The following LRIG3 variants were observed in gnomAD, a reference collection of about 807,000 sequenced individuals.
LRIG3 encodes leucine-rich repeats and immunoglobulin-like domains protein 3.
Under a neutral mutation model 114.5 loss-of-function variants are expected in LRIG3, and 76 were observed. That is an observed-to-expected ratio of 0.66 (90% CI 0.55 to 0.80). The LOEUF (loss-of-function observed/expected upper bound fraction) is 0.80, where lower values mean the gene tolerates loss of function less well. LRIG3 is among the 30% of genes least tolerant of loss of function. The probability of loss-of-function intolerance (pLI) is 0.00; values close to 1 mark genes in which losing one functional copy is unlikely to be tolerated. For synonymous variants in LRIG3, 512 were observed against 519.8 expected (o/e 0.98, Z 0.20); for missense variants, 1,239 against 1,382.8 (o/e 0.90, Z 1.65).
At chr12:58,887,321 A>G (rs1247386989) in intron 8 of LRIG3, among the ~76,000 whole-genome samples, 1 of 152,166 alleles carries the variant, frequency 6.6e-6, no homozygotes, top group Non-Finnish European at 1.5e-5. Context: ...CCATTGCACA[A>G]CCTTAAATTA....
Position 58,874,589 on chromosome 12 carries a change from CTTAG to C in LRIG3, c.2696-20_2696-17del. On this transcript the variant is annotated splice_polypyrimidine_tract_variant and intron_variant, in intron 16 of 18. Transcript: ENST00000320743. ...TGGCAGGTCCCTTTGAAACAAAAAT[CTTAG>C]TCAATGATCCAATTATTCAAGTGCC... The C allele has an allele frequency of 6.2e-7, 1 of 1,613,070 alleles. No homozygotes were observed. The highest frequency in any genetic ancestry group is 8.5e-7 in the Non-Finnish European group (1 of 1,179,618).
intron 4 of LRIG3, among the ~76,000 whole-genome samples, chr12:58,890,344 ATTTT>A (rs1213395039): frequency 1.3e-5 from 2 of 152,186 alleles, no homozygotes; most frequent in African/African-American, 4.8e-5. Context: ...CGGATGCAAA[ATTTT>A]TTTATAAATA....
intron 5 of LRIG3, among the ~76,000 whole-genome samples, chr12:58,889,540 T>C (rs1035673336): frequency 5.9e-5 from 9 of 152,066 alleles, no homozygotes; most frequent in Non-Finnish European, 1.2e-4. Flanking sequence ...TTTTAAAAGC[T>C]CCCCAAGTGT....
intron 12 of LRIG3, 139 bp from the exon 13 acceptor site, chr12:58,881,040 G>A (rs752043190): frequency 2.2e-4 from 160 of 731,534 alleles, no homozygotes; most frequent in Non-Finnish European, 3.3e-4. Context: ...TGGACTAGCC[G>A]TCCCCATGTT....
chr12:58,914,162 A>G (rs1470274208), intron 2 of LRIG3, 103 bp downstream of exon 2: 1 of 1,506,562 alleles, frequency 6.6e-7, no homozygotes, highest in Non-Finnish European at 9.1e-7. Context: ...CCAAGTTAAA[A>G]GTTTTGAATA....
At position 58,888,979 on chromosome 12, in the gene LRIG3, A is replaced by C. The variant is rs1377665542; in HGVS notation, c.660-17T>G. 1 of 1,608,894 alleles carries C rather than the reference A, an allele frequency of 6.2e-7. No homozygotes were observed. The highest frequency in any genetic ancestry group is 1.3e-5 in the African/African-American group (1 of 74,736). ...TTCAATTCGCTGCATTGAGTATTAC[A>C]AGAGTTAGCTTATATGACAATTAAA... On this transcript the variant is annotated splice_polypyrimidine_tract_variant and intron_variant, in intron 5 of 18. Transcript: ENST00000320743.
chr12:58,914,398 G>C (rs1316505987), intron 1 of LRIG3, 62 bp from the exon 2 acceptor site: 1 of 1,263,442 alleles, frequency 7.9e-7, no homozygotes, highest in Non-Finnish European at 1.1e-6. Context: ...GTGCTAACTG[G>C]GCTTATGAAG....
At position 58,890,544 on chromosome 12, in the gene LRIG3, G is replaced by A. The variant is rs1262978902; in HGVS notation, c.515+121C>T. 8.2e-5 allele frequency: 77 copies of A among 943,506 alleles called. 1 individual carries two copies. Among genetic ancestry groups the A allele is most frequent in the Non-Finnish European group, 1.1e-4 (74 of 675,464 alleles). 58.4% of individuals were successfully genotyped at this position (943,506 alleles called of 1,614,324 possible). ...CATTCGAGCTTACAGCAAATTTCAA[G>A]TCAATAAATTATACTTTCAATCCAT... On this transcript the variant is annotated intron_variant, in intron 4 of 18. Transcript: ENST00000320743.
intron 15 of LRIG3, 26 bp from the exon 16 acceptor site, chr12:58,876,629 T>G (rs143867579): frequency 1.4e-4 from 222 of 1,612,414 alleles, no homozygotes; most frequent in Non-Finnish European, 1.8e-4. Flanking sequence ...AGCATTTTAT[T>G]AACCAAGGAT....
chr12:58,899,790 C>T (rs1871777521), intron 3 of LRIG3, among the ~76,000 whole-genome samples: 1 of 152,074 alleles, frequency 6.6e-6, no homozygotes, highest in African/African-American at 2.4e-5. Context: ...GTGGTATGGG[C>T]TTGTTGAATG....
At chr12:58,892,395 A>G (rs1050289739) in intron 3 of LRIG3, among the ~76,000 whole-genome samples, 16 of 152,250 alleles carry the variant, frequency 1.1e-4, no homozygotes, top group Non-Finnish European at 2.4e-4. Flanking sequence ...TTCGATTAAA[A>G]AGAAAACTTA....
rs1274767424 is a variant in LRIG3, at chr12:58,920,038, C to T, written c.198G>A (p.Ala66=). The change falls in exon 1 of 19, where the codon GCG becomes GCA. Residue 66 remains alanine (A), a synonymous_variant. Coordinates refer to ENST00000320743, the MANE Select transcript of LRIG3 (RefSeq NM_153377.5). ...DLLDCSRKRL[A]RLPEPLPSWV... ...AGGACGGGAGTGGCTCGGGAAGACG[C>T]GCTAGCCGCTTACGACTGCAGTCCA... 1 of 1,551,546 alleles carries T rather than the reference C, an allele frequency of 6.4e-7. No individual in the cohort carries two copies. Among genetic ancestry groups the T allele is most frequent in the South Asian group, 1.2e-5 (1 of 84,172 alleles).
In LRIG3 at chr12:58,877,558, G is replaced by C. The variant is rs749151227; in HGVS notation, c.2378C>G (p.Pro793Arg). The change falls in exon 15 of 19, where the codon CCT becomes CGT. Residue 793 changes from proline (P) to arginine (R), a missense_variant. Physicochemically the swap from Pro to Arg is moderately radical, Grantham distance 103. Coordinates refer to ENST00000320743, the MANE Select transcript of LRIG3 (RefSeq NM_153377.5). ...GTCTAACGATGGGGCTGTCATCTGA[G>C]GGGAGTCGCAGGTTGGAGTGGGGAT... Reference protein sequence around the residue: ...SVIPTPTCDSPQMTAPSLDDD... With the variant: ...SVIPTPTCDSRQMTAPSLDDD... 1 of 1,614,216 alleles carries C rather than the reference G, an allele frequency of 6.2e-7. No homozygotes were observed. Among genetic ancestry groups the C allele is most frequent in the Non-Finnish European group, 8.5e-7 (1 of 1,180,040 alleles).
chr12:58,904,319 C>T (rs1455478490), intron 3 of LRIG3, among the ~76,000 whole-genome samples: 1 of 152,100 alleles, frequency 6.6e-6, no homozygotes. Context: ...TGAATCTTGC[C>T]ATCCCAGTCA....
At chr12:58,891,187 C>G (rs1300228710) in intron 3 of LRIG3, among the ~76,000 whole-genome samples, 1 of 152,086 alleles carries the variant, frequency 6.6e-6, no homozygotes, top group African/African-American at 2.4e-5. Context: ...ACACTCATAA[C>G]TCACTGCAGC....
In LRIG3 at chr12:58,874,169, T is replaced by G. The variant is rs745759813; in HGVS notation, c.3001A>C (p.Ser1001Arg). The G allele has an allele frequency of 3.0e-5, 49 of 1,614,100 alleles. 1 individual carries two copies. In the South Asian group the frequency reaches 5.1e-4, roughly 17 times the overall value. ...PSHVRKLLNT[S>R]YSHNEGPGMK... ...CCAGGTCCTTCATTGTGAGAGTAAC[T>G]AGTGTTAAGTAGCTTCCTCACATGT... is the stretch of plus-strand genomic sequence containing the variant. Residue 1001 changes from serine to arginine, a missense_variant, in exon 18 of 19, where the codon AGT (serine) becomes CGT (arginine). Transcript: ENST00000320743.
At position 58,890,651 on chromosome 12, in the gene LRIG3, A is replaced by G. The variant is rs1391541981; in HGVS notation, c.515+14T>C. 2 of 1,549,224 alleles carry G rather than the reference A, an allele frequency of 1.3e-6. No homozygotes were observed. The highest frequency in any genetic ancestry group is 1.7e-6 in the Non-Finnish European group (2 of 1,152,112). ...TTACAGGTGAAAGTTTTTGCTAAAG[A>G]AAACTTCACTTACAGATATTTGAGC... On this transcript the variant is annotated intron_variant, in intron 4 of 18. Coordinates refer to ENST00000320743, the MANE Select transcript of LRIG3 (RefSeq NM_153377.5).
intron 2 of LRIG3, 64 bp downstream of exon 2, chr12:58,914,201 G>A (rs1354068865): frequency 6.5e-7 from 1 of 1,533,192 alleles, no homozygotes; most frequent in Non-Finnish European, 9.0e-7. Flanking sequence ...ATTCCTTACG[G>A]TTAAATAGTA....
At chr12:58,872,837 G>C (rs1275297588) in intron 18 of LRIG3, 21 bp from the exon 19 acceptor site, 1 of 1,601,298 alleles carries the variant, frequency 6.2e-7, no homozygotes, top group Non-Finnish European at 8.5e-7. Context: ...GAAACACCTT[G>C]AGCACATGGG....
Sources: gnomAD v4.1 joint callset for allele counts (sites outside exome capture counted in the v4.1 genomes callset) on GRCh38, gnomAD v4.1.1 for gene constraint, MANE v1.5 for transcripts, NCBI Gene and HGNC (gene_info 2026-07-23, HGNC 2026-07-21) for gene names.